ANKRD6: variants seen among roughly 807,000 people sequenced by gnomAD.
The protein encoded by ANKRD6 is ankyrin repeat domain-containing protein 6.
Under a neutral mutation model 82.3 loss-of-function variants are expected in ANKRD6, and 56 were observed. That is an observed-to-expected ratio of 0.68 (90% CI 0.55 to 0.85). The LOEUF (loss-of-function observed/expected upper bound fraction) is 0.85. Among genes scored for constraint, ANKRD6 ranks in the 40% least tolerant of loss-of-function variants. The probability of loss-of-function intolerance (pLI) is 0.00; values close to 1 mark genes in which losing one functional copy is unlikely to be tolerated. For synonymous variants in ANKRD6, 347 were observed against 352.1 expected (o/e 0.99, Z 0.16); for missense variants, 852 against 907.6 (o/e 0.94, Z 0.79).
chr6:89,629,507 G>A, intron 15 of ANKRD6: 1 of 453,504 alleles, frequency 2.2e-6, no homozygotes, highest in Non-Finnish European at 4.1e-6. Context: ...TGAGTACAGT[G>A]TTGATAGTAT....
intron 1 of ANKRD6, among the ~76,000 whole-genome samples, chr6:89,473,561 A>T (rs1373702354): frequency 1.3e-5 from 2 of 152,242 alleles, no homozygotes; most frequent in Admixed American, 6.5e-5. Flanking sequence ...GTGTTTACTA[A>T]TCAAGTATAA....
intron 1 of ANKRD6, among the ~76,000 whole-genome samples, chr6:89,477,696 G>A (rs922075691): frequency 3.3e-5 from 5 of 150,352 alleles, no homozygotes; most frequent in Admixed American, 6.6e-5. Context: ...GCATGAACCC[G>A]GGGGGTGGAG....
intron 1 of ANKRD6, among the ~76,000 whole-genome samples, chr6:89,459,917 A>G (rs962262704): frequency 2.6e-5 from 4 of 152,176 alleles, no homozygotes; most frequent in African/African-American, 9.7e-5. Flanking sequence ...AGCTGACAGT[A>G]GTATTTCTAA....
At chr6:89,525,690 C>G in intron 1 of ANKRD6, among the ~76,000 whole-genome samples, 1 of 152,156 alleles carries the variant, frequency 6.6e-6, no homozygotes, top group East Asian at 1.9e-4. Context: ...AAAAGCTATA[C>G]ATAGTTATGA....
At chr6:89,550,940 A>C (rs1384795744) in intron 1 of ANKRD6, among the ~76,000 whole-genome samples, 2 of 152,236 alleles carry the variant, frequency 1.3e-5, no homozygotes, top group Non-Finnish European at 2.9e-5. Context: ...TGGGCGACAG[A>C]GACAAAAAAT....
intron 5 of ANKRD6, among the ~76,000 whole-genome samples, chr6:89,608,668 C>T (rs1392073205): frequency 6.6e-6 from 1 of 152,040 alleles, no homozygotes; most frequent in African/African-American, 2.4e-5. Flanking sequence ...TCCATTGGTT[C>T]ATTAGAGAGC....
At chr6:89,454,949 T>G (rs1773320757) in intron 1 of ANKRD6, among the ~76,000 whole-genome samples, 1 of 152,152 alleles carries the variant, frequency 6.6e-6, no homozygotes, top group Non-Finnish European at 1.5e-5. Context: ...CAAGCGATTC[T>G]CTTGCCTCAG....
At chr6:89,468,744 C>T (rs942432096) in intron 1 of ANKRD6, among the ~76,000 whole-genome samples, 5 of 152,018 alleles carry the variant, frequency 3.3e-5, no homozygotes, top group East Asian at 1.9e-4. Flanking sequence ...TTCCCTGGCC[C>T]GTAATCTGTA....
At chr6:89,611,365 G>A (rs991645785) in intron 5 of ANKRD6, among the ~76,000 whole-genome samples, 1 of 152,172 alleles carries the variant, frequency 6.6e-6, no homozygotes, top group African/African-American at 2.4e-5. Context: ...GAACCAACGC[G>A]GAGCTTCTGT....
intron 1 of ANKRD6, among the ~76,000 whole-genome samples, chr6:89,536,595 G>A (rs1783869961): frequency 6.6e-6 from 1 of 152,258 alleles, no homozygotes; most frequent in Non-Finnish European, 1.5e-5. Context: ...AGCTGATTCA[G>A]TAGGCATTGT....
chr6:89,583,188 C>G (rs528208268), intron 2 of ANKRD6, among the ~76,000 whole-genome samples: 2 of 152,290 alleles, frequency 1.3e-5, no homozygotes, highest in Admixed American at 1.3e-4. Flanking sequence ...CCATGCAGGG[C>G]AGGACAACAC....
At chr6:89,491,634 G>C (rs1419684279) in intron 1 of ANKRD6, among the ~76,000 whole-genome samples, 1 of 150,574 alleles carries the variant, frequency 6.6e-6, no homozygotes, top group African/African-American at 2.4e-5. Context: ...ACCAGGGCCT[G>C]TCATGGGGTG....
chr6:89,496,145 C>T (rs936059383), intron 1 of ANKRD6, among the ~76,000 whole-genome samples: 13 of 151,412 alleles, frequency 8.6e-5, no homozygotes, highest in Admixed American at 5.3e-4. Flanking sequence ...GGAACACTGA[C>T]AATGGGGATT....
chr6:89,496,743 C>CA (rs1361006529), intron 1 of ANKRD6, among the ~76,000 whole-genome samples: 1 of 152,092 alleles, frequency 6.6e-6, no homozygotes, highest in East Asian at 1.9e-4. Flanking sequence ...AGGCTGGTCT[C>CA]AAACTCCTGA....
intron 4 of ANKRD6, 44 bp downstream of exon 4, chr6:89,603,171 C>T (rs774996671): frequency 1.3e-6 from 2 of 1,552,024 alleles, no homozygotes; most frequent in East Asian, 4.8e-5. Context: ...GCAAGGGAAG[C>T]CAGTGGCTCA....
At chr6:89,533,701 T>TGAGAGA (rs146850369) in intron 1 of ANKRD6, among the ~76,000 whole-genome samples, 2 of 145,158 alleles carry the variant, frequency 1.4e-5, no homozygotes, top group East Asian at 4.1e-4. Flanking sequence ...CCATCACGAA[T>TGAGAGA]GAGAGAGAGA....
intron 2 of ANKRD6, among the ~76,000 whole-genome samples, chr6:89,578,252 A>G (rs1032853585): frequency 2.0e-5 from 3 of 151,290 alleles, no homozygotes; most frequent in African/African-American, 7.3e-5. Context: ...CTGCCTAGCA[A>G]GGAAGACGAT....
chr6:89,462,954 C>A (rs779987117), intron 1 of ANKRD6, among the ~76,000 whole-genome samples: 10 of 151,628 alleles, frequency 6.6e-5, no homozygotes, highest in Non-Finnish European at 1.2e-4. Flanking sequence ...GCTCAAACTC[C>A]TGGGCTCAAG....
At chr6:89,593,405 C>A (rs1007681957) in intron 2 of ANKRD6, among the ~76,000 whole-genome samples, 1 of 152,178 alleles carries the variant, frequency 6.6e-6, no homozygotes, top group African/African-American at 2.4e-5. Context: ...TTGGAAGAAT[C>A]GAGGTTAGGG....
Sources: allele counts gnomAD v4.1 joint callset (sites outside exome capture counted in the v4.1 genomes callset), GRCh38; gene constraint gnomAD v4.1.1; transcripts MANE v1.5; gene names NCBI Gene and HGNC (gene_info 2026-07-23, HGNC 2026-07-21).